The following LARGE1 variants were observed in gnomAD, a reference collection of about 807,000 sequenced individuals.
LARGE1 encodes LARGE xylosyl- and glucuronyltransferase 1.
A neutral mutation model predicts 87.6 loss-of-function variants in LARGE1; 43 were observed. That is an observed-to-expected ratio of 0.49 (90% CI 0.38 to 0.63). The LOEUF (loss-of-function observed/expected upper bound fraction) is 0.63. LARGE1 is among the 30% of genes least tolerant of loss of function. LARGE1 has a pLI of 0.00. For synonymous variants in LARGE1, 434 were observed against 394.6 expected (o/e 1.10, Z -1.18); for missense variants, 802 against 1,000.2 (o/e 0.80, Z 2.67).
intron 6 of LARGE1, among the ~76,000 whole-genome samples, chr22:33,519,979 C>G (rs935860467): frequency 4.5e-4 from 65 of 144,262 alleles, no homozygotes; most frequent in African/African-American, 1.6e-3. Flanking sequence ...GTTCGTCTAT[C>G]TGTTTCAGTG....
rs535128731 is a variant in LARGE1, at chr22:33,914,123, T to C, written c.-83+5872A>G. On this transcript the variant is annotated intron_variant, in intron 1 of 14. Transcript: ENST00000397394. The stretch of plus-strand genomic sequence containing the variant: ...ATAAGAATGTAACAAACCTTCTATT[T>C]ACACTGCACTTACTTCAGATCTCCT... 8.5e-5 allele frequency among the ~76,000 whole-genome samples: 13 copies of C among 152,332 alleles called. No homozygotes were observed. The South Asian group carries it at 2.7e-3, about 32-fold the overall frequency.
At chr22:33,175,147 C>T (rs370937359) in intron 11 of LARGE1, among the ~76,000 whole-genome samples, 1 of 152,142 alleles carries the variant, frequency 6.6e-6, no homozygotes, top group African/African-American at 2.4e-5. Context: ...ATCAAGTCGG[C>T]TTCACCCCTG....
downstream of LARGE1, among the ~76,000 whole-genome samples, chr22:33,269,032 C>A (rs923348524): frequency 3.3e-5 from 5 of 151,984 alleles, no homozygotes; most frequent in Admixed American, 3.3e-4. Flanking sequence ...ACTGAACTAA[C>A]AAAACAACTT....
rs1052485082 is a variant in LARGE1 at position 33,603,386 on chromosome 22, T to C, written c.615+1049A>G. ...CCTCTAATCACAGCAATTTGTTAAA[T>C]CCACAAGCATTAGTGGGTACCTACT... On this transcript the variant is annotated intron_variant, in intron 5 of 14. Coordinates refer to ENST00000397394, the MANE Select transcript of LARGE1 (RefSeq NM_133642.5). Among the ~76,000 whole-genome samples the C allele has an allele frequency of 1.3e-5, 2 of 152,146 alleles. 1 individual carries two copies. The highest frequency in any genetic ancestry group is 4.1e-4 in the South Asian group (2 of 4,820).
intron 5 of LARGE1, among the ~76,000 whole-genome samples, chr22:33,580,592 G>T (rs1416706024): frequency 2.0e-5 from 3 of 152,166 alleles, no homozygotes; most frequent in Non-Finnish European, 1.5e-5. Flanking sequence ...CATGGCATCA[G>T]TTGTGATTTT....
At chr22:33,435,509 G>A (rs149690343) in intron 6 of LARGE1, among the ~76,000 whole-genome samples, 38 of 152,178 alleles carry the variant, frequency 2.5e-4, no homozygotes, top group Non-Finnish European at 5.0e-4. Context: ...CTTCCTGATC[G>A]GGTGTGTGTT....
At chr22:33,234,407 A>G (rs1249850738) in intron 11 of LARGE1, among the ~76,000 whole-genome samples, 1 of 152,270 alleles carries the variant, frequency 6.6e-6, no homozygotes, top group Non-Finnish European at 1.5e-5. Context: ...GGTGATGAGC[A>G]TTAATGACTG....
chr22:33,231,574 A>T (rs1418631222), intron 11 of LARGE1, among the ~76,000 whole-genome samples: 2 of 152,216 alleles, frequency 1.3e-5, no homozygotes, highest in East Asian at 3.8e-4. Flanking sequence ...TCTGCTATTC[A>T]ATTTATATGT....
chr22:33,868,551 A>G (rs2064177354), intron 1 of LARGE1, among the ~76,000 whole-genome samples: 1 of 152,136 alleles, frequency 6.6e-6, no homozygotes, highest in African/African-American at 2.4e-5. Flanking sequence ...CCCAGCCAGC[A>G]TCTGCCACAC....
Position 33,803,849 on chromosome 22 carries a change from C to G in LARGE1, c.-82-42291G>C, listed in dbSNP as rs537733462. ...AAATTGTAGACTCCCAGAAGGAAAACAGATGTTCAGAATAAACTATATTGT... is the reference window on the plus strand; with the variant it reads ...AAATTGTAGACTCCCAGAAGGAAAAGAGATGTTCAGAATAAACTATATTGT... On this transcript the variant is annotated intron_variant, in intron 1 of 14. Coordinates refer to ENST00000397394, the MANE Select transcript of LARGE1 (RefSeq NM_133642.5). Among the ~76,000 whole-genome samples, 17 of 152,320 alleles carry G rather than the reference C, an allele frequency of 1.1e-4. No individual in the cohort carries two copies. In the South Asian group the frequency reaches 3.5e-3, roughly 32 times the overall value.
intron 1 of LARGE1, among the ~76,000 whole-genome samples, chr22:33,898,331 G>A (rs542316108): frequency 6.6e-6 from 1 of 152,322 alleles, no homozygotes; most frequent in Non-Finnish European, 1.5e-5. Flanking sequence ...GCATCCCATT[G>A]GTCCACATCC....
At chr22:33,493,592 T>C (rs1270298290) in intron 6 of LARGE1, among the ~76,000 whole-genome samples, 1 of 152,112 alleles carries the variant, frequency 6.6e-6, no homozygotes, top group Non-Finnish European at 1.5e-5. Context: ...TTTATGTGGA[T>C]AGTTCCAAAT....
At chr22:33,337,151 T>C (rs1938554147) in intron 10 of LARGE1, among the ~76,000 whole-genome samples, 1 of 151,874 alleles carries the variant, frequency 6.6e-6, no homozygotes, top group Non-Finnish European at 1.5e-5. Context: ...GAAACAGGAA[T>C]AGCTATAGTA....
intron 6 of LARGE1, among the ~76,000 whole-genome samples, chr22:33,508,818 A>C (rs2070895317): frequency 6.6e-6 from 1 of 152,208 alleles, no homozygotes; most frequent in Non-Finnish European, 1.5e-5. Context: ...TGGTGTTTGC[A>C]TGCAAAAGGA....
intron 3 of LARGE1, among the ~76,000 whole-genome samples, chr22:33,646,888 C>T (rs1202511422): frequency 2.6e-5 from 4 of 152,166 alleles, no homozygotes; most frequent in Non-Finnish European, 4.4e-5. Flanking sequence ...CCACCACGCC[C>T]AGCTATTTTT....
intron 6 of LARGE1, among the ~76,000 whole-genome samples, chr22:33,492,067 A>G (rs1424017643): frequency 6.6e-6 from 1 of 152,206 alleles, no homozygotes; most frequent in Non-Finnish European, 1.5e-5. Context: ...ATAGTGTTGA[A>G]TTACTAAATG....
chr22:33,785,422 C>T (rs73170588), intron 1 of LARGE1, among the ~76,000 whole-genome samples: 29,223 of 151,840 alleles, frequency 0.19, 3,344 homozygotes, highest in Admixed American at 0.33. Flanking sequence ...TATCTCACCC[C>T]AGGCCTGCCT....
At chr22:33,146,496 G>C in the LARGE1 span, among the ~76,000 whole-genome samples, 9 of 152,098 alleles carry the variant, frequency 5.9e-5, no homozygotes, top group Non-Finnish European at 1.3e-4. Context: ...TATTTAAAAG[G>C]GGAAAGACTC....
At chr22:33,081,265 C>A in the LARGE1 span, among the ~76,000 whole-genome samples, 1 of 152,112 alleles carries the variant, frequency 6.6e-6, no homozygotes, top group Non-Finnish European at 1.5e-5. Flanking sequence ...TTTAAATCAC[C>A]CAGTCTATGC....
Sources: gnomAD v4.1 joint callset for allele counts (sites outside exome capture counted in the v4.1 genomes callset) on GRCh38, gnomAD v4.1.1 for gene constraint, MANE v1.5 for transcripts, NCBI Gene and HGNC (gene_info 2026-07-23, HGNC 2026-07-21) for gene names.